Variants in BORCS5 observed in about 807,000 individuals in gnomAD.
BORCS5 encodes BLOC-1-related complex subunit 5.
BORCS5 carries 17 observed loss-of-function variants against 22.1 expected under a neutral mutation model. That is an observed-to-expected ratio of 0.77 (90% CI 0.53 to 1.15). The LOEUF is 1.15. Among genes scored for constraint, BORCS5 ranks in the 50% most tolerant of loss-of-function variants. BORCS5 has a pLI of 0.00. For missense variants in BORCS5, 247 were observed against 253.2 expected (o/e 0.98, Z 0.17); for synonymous variants, 117 against 99.8 (o/e 1.17, Z -1.03).
At chr12:12,392,104 C>T (rs1421922802) in intron 2 of BORCS5, among the ~76,000 whole-genome samples, 7 of 147,772 alleles carry the variant, frequency 4.7e-5, no homozygotes, top group East Asian at 3.9e-4. Context: ...CTAAGTCCAA[C>T]GATCATAATT....
chr12:12,458,757 G>C (rs1387232190), intron 3 of BORCS5, among the ~76,000 whole-genome samples: 3 of 151,218 alleles, frequency 2.0e-5, no homozygotes, highest in African/African-American at 7.3e-5. Flanking sequence ...TGGATCATGT[G>C]GTCAGGAGCT....
intron 2 of BORCS5, among the ~76,000 whole-genome samples, chr12:12,409,119 G>T (rs1941658302): frequency 1.3e-5 from 2 of 151,820 alleles, no homozygotes; most frequent in Admixed American, 1.3e-4. Flanking sequence ...TTTGATACTA[G>T]CCATCTTAAT....
At chr12:12,414,140 C>T (rs1434769987) in intron 2 of BORCS5, among the ~76,000 whole-genome samples, 2 of 85,212 alleles carry the variant, frequency 2.3e-5, no homozygotes. Context: ...CTGGACGGGG[C>T]GGCTGGCCGG....
chr12:12,430,800 C>A (rs1942404031), intron 2 of BORCS5, among the ~76,000 whole-genome samples: 1 of 152,112 alleles, frequency 6.6e-6, no homozygotes, highest in Admixed American at 6.5e-5. Context: ...TTTACTTGCA[C>A]CCCAACCCCC....
At chr12:12,410,661 G>A (rs1195596149) in intron 2 of BORCS5, among the ~76,000 whole-genome samples, 1 of 152,196 alleles carries the variant, frequency 6.6e-6, no homozygotes, top group African/African-American at 2.4e-5. Flanking sequence ...CAGGTAGTAT[G>A]ATGCCTCCAG....
chr12:12,433,323 A>C (rs138165562), intron 2 of BORCS5, among the ~76,000 whole-genome samples: 98 of 58,420 alleles, frequency 1.7e-3, no homozygotes, highest in South Asian at 4.4e-3. Context: ...ACTGTGTCTC[A>C]AAAAAAAAAA....
chr12:12,453,684 C>CT (rs1340642788), intron 3 of BORCS5, among the ~76,000 whole-genome samples: 1 of 152,178 alleles, frequency 6.6e-6, no homozygotes, highest in African/African-American at 2.4e-5. Context: ...TTTTTTAAAA[C>CT]TGAGTTATCA....
intron 2 of BORCS5, among the ~76,000 whole-genome samples, chr12:12,383,924 TTTG>T (rs1174621101): frequency 6.6e-6 from 1 of 151,216 alleles, no homozygotes; most frequent in East Asian, 1.9e-4. Flanking sequence ...TGTTGGCATG[TTTG>T]TTGTTGTTGC....
chr12:12,465,773 GTA>G lies in BORCS5; in HGVS notation c.589_590del (p.Ter197AlafsTer17), dbSNP rs781477005. Reference protein sequence around the residue: ...SMKPDRELRL* With the variant: ...SMKPDRELRLX The stretch of plus-strand genomic sequence containing the variant: ...TGAAGCCCGACCGCGAGCTCAGGCT[GTA>G]GCTGCTGCCCGGCCTGCCTGGGGCT... On this transcript the variant is annotated frameshift_variant and stop_lost, in exon 4 of 4. Coordinates refer to ENST00000314565, the MANE Select transcript of BORCS5 (RefSeq NM_058169.6). LOFTEE classifies it high-confidence loss of function. 2.5e-6 allele frequency: 4 copies of G among 1,611,080 alleles called. No homozygotes were observed. The African/African-American group carries it at 5.3e-5, about 22-fold the overall frequency.
At chr12:12,425,803 C>G (rs1942272266) in intron 2 of BORCS5, among the ~76,000 whole-genome samples, 3 of 152,160 alleles carry the variant, frequency 2.0e-5, no homozygotes, top group Admixed American at 6.5e-5. Context: ...TCCTACAGTG[C>G]TAGTACATAG....
intron 2 of BORCS5, among the ~76,000 whole-genome samples, chr12:12,402,655 C>A (rs1056920330): frequency 1.4e-4 from 21 of 152,172 alleles, no homozygotes; most frequent in African/African-American, 4.1e-4. Flanking sequence ...TATGGAACAT[C>A]TTTGAGTAGT....
intron 2 of BORCS5, among the ~76,000 whole-genome samples, chr12:12,372,345 A>G (rs559271902): frequency 1.5e-4 from 22 of 150,230 alleles, no homozygotes; most frequent in African/African-American, 5.1e-4. Flanking sequence ...TTACTTACTA[A>G]TTTTTTTTTT....
intron 3 of BORCS5, among the ~76,000 whole-genome samples, chr12:12,439,575 C>T (rs959297781): frequency 1.3e-5 from 2 of 151,782 alleles, no homozygotes; most frequent in African/African-American, 2.4e-5. Flanking sequence ...TTGCGGTGAG[C>T]CGAGATCTCC....
chr12:12,398,980 G>A (rs762192957), intron 2 of BORCS5, among the ~76,000 whole-genome samples: 19 of 152,158 alleles, frequency 1.2e-4, no homozygotes, highest in Non-Finnish European at 2.6e-4. Context: ...TGTCACTGCC[G>A]TGTATTGGCA....
chr12:12,385,751 G>A (rs1161598548), intron 2 of BORCS5, among the ~76,000 whole-genome samples: 3 of 150,944 alleles, frequency 2.0e-5, no homozygotes, highest in African/African-American at 4.9e-5. Flanking sequence ...CTCGTGATCC[G>A]CCTGCCTCGG....
Position 12,374,952 on chromosome 12 carries a change from CAAAA to C in BORCS5, c.202+13617_202+13620del, listed in dbSNP as rs112909758. 6.6e-5 allele frequency among the ~76,000 whole-genome samples: 7 copies of C among 106,428 alleles called. No individual in the cohort carries two copies. In the South Asian group the frequency reaches 1.3e-3, roughly 20 times the overall value. 69.8% of individuals were successfully genotyped at this position (106,428 alleles called of 152,430 possible). ...CCTGGGTGACAGAGTGAGACTGTCTCAAAAAAAAAAAAAAAAATTATTAACCAAG... is the reference window on the plus strand; with the variant it reads ...CCTGGGTGACAGAGTGAGACTGTCTCAAAAAAAAAAAAATTATTAACCAAG... On this transcript the variant is annotated intron_variant, in intron 2 of 3. Coordinates refer to ENST00000314565, the MANE Select transcript of BORCS5 (RefSeq NM_058169.6).
At chr12:12,455,685 A>G (rs867777233) in intron 3 of BORCS5, among the ~76,000 whole-genome samples, 1 of 151,916 alleles carries the variant, frequency 6.6e-6, no homozygotes, top group African/African-American at 2.4e-5. Context: ...AGGCTGAGGC[A>G]GGAGAATTGC....
intron 2 of BORCS5, among the ~76,000 whole-genome samples, chr12:12,395,774 T>C (rs1456793938): frequency 6.6e-6 from 1 of 152,060 alleles, no homozygotes; most frequent in African/African-American, 2.4e-5. Context: ...GACAATGCAG[T>C]TAGGAGATTG....
At chr12:12,415,631 G>T (rs1211952526) in intron 2 of BORCS5, among the ~76,000 whole-genome samples, 1 of 145,838 alleles carries the variant, frequency 6.9e-6, no homozygotes, top group African/African-American at 2.5e-5. Flanking sequence ...CTGTTACGTG[G>T]ATTGATTTTC....
Sources: gnomAD v4.1 joint callset for allele counts (sites outside exome capture counted in the v4.1 genomes callset) on GRCh38, gnomAD v4.1.1 for gene constraint, MANE v1.5 for transcripts, NCBI Gene and HGNC (gene_info 2026-07-23, HGNC 2026-07-21) for gene names.